ZNF423: variants seen among roughly 807,000 people sequenced by gnomAD.
ZNF423 encodes Ebf-associated zinc finger protein.
ZNF423 carries 12 observed loss-of-function variants against 95.8 expected under a neutral mutation model. The observed-to-expected ratio is 0.13, with a 90% CI of 0.08 to 0.20. The LOEUF (loss-of-function observed/expected upper bound fraction) is 0.20, where lower values mean the gene tolerates loss of function less well. Ranked by LOEUF, ZNF423 falls within the 10% of genes least tolerant of loss-of-function variation. The pLI, the probability that ZNF423 is intolerant of heterozygous loss-of-function variation, is 1.00. For missense variants in ZNF423, 1,316 were observed against 1,737.1 expected (o/e 0.76, Z 4.31); for synonymous variants, 749 against 711.9 (o/e 1.05, Z -0.83).
At chr16:49,748,466 T>C (rs1040020396) in intron 2 of ZNF423, among the ~76,000 whole-genome samples, 1 of 152,162 alleles carries the variant, frequency 6.6e-6, no homozygotes, top group Non-Finnish European at 1.5e-5. Context: ...AACGGCCTAA[T>C]TCAAGGAGGA....
At chr16:49,576,436 T>A (rs540629613) in intron 5 of ZNF423, among the ~76,000 whole-genome samples, 21 of 152,286 alleles carry the variant, frequency 1.4e-4, no homozygotes, top group African/African-American at 4.8e-4. Flanking sequence ...TCAAGTCTAT[T>A]GAGTGTTAGC....
intron 5 of ZNF423, among the ~76,000 whole-genome samples, chr16:49,551,796 G>A (rs1466052625): frequency 6.6e-6 from 1 of 152,194 alleles, no homozygotes; most frequent in African/African-American, 2.4e-5. Flanking sequence ...GGCCCCTCAA[G>A]TCTGTGGCTG....
At chr16:49,632,951 G>A (rs1462387384) in intron 4 of ZNF423, among the ~76,000 whole-genome samples, 3 of 152,166 alleles carry the variant, frequency 2.0e-5, no homozygotes, top group East Asian at 1.9e-4. Context: ...CAGGAGAAGC[G>A]GGCACAGTGA....
chr16:49,665,934 A>G (rs1035567641), intron 3 of ZNF423, among the ~76,000 whole-genome samples: 10 of 152,250 alleles, frequency 6.6e-5, no homozygotes, highest in Admixed American at 5.9e-4. Flanking sequence ...ACCACTGAAC[A>G]AATTAAAATT....
At chr16:49,857,361 C>T (rs986431961), upstream of ZNF423, among the ~76,000 whole-genome samples, 1 of 150,758 alleles carries the variant, frequency 6.6e-6, no homozygotes, top group African/African-American at 2.4e-5. This position sits in a 1 kb window ranked among gnomAD's most constrained non-coding sequence, Gnocchi z 6.2. Flanking sequence ...CGCACCAGCA[C>T]GCGGGGCCGG....
At position 49,638,305 on chromosome 16, in the gene ZNF423, G is replaced by T. The variant is rs770995307; in HGVS notation, c.871C>A (p.Leu291Ile). ...SQTEELEKHV[L>I]TRHPQLSEKA... is the part of the protein sequence containing the mutation. ...TCGGACAGCTGCGGGTGGCGGGTGA[G>T]CACGTGCTTCTCCAGCTCCTCCGTC... is the stretch of plus-strand genomic sequence containing the variant. Residue 291 changes from leucine (L) to isoleucine (I), a missense_variant, in exon 4 of 8, where the codon CTC (leucine) becomes ATC (isoleucine). Physicochemically the swap from Leu to Ile is conservative, Grantham distance 5. Coordinates refer to ENST00000563137, the MANE Select transcript of ZNF423 (RefSeq NM_001379286.1). The surrounding 1 kb of genome is among the most constrained non-coding windows in gnomAD (Gnocchi z 5.6). 40 of 1,613,768 alleles carry T rather than the reference G, an allele frequency of 2.5e-5. No homozygotes were observed. The highest frequency in any genetic ancestry group is 1.7e-4 in the Admixed American group (10 of 60,006).
chr16:49,807,485 G>A (rs574401445), intron 1 of ZNF423, among the ~76,000 whole-genome samples: 73 of 152,062 alleles, frequency 4.8e-4, no homozygotes, highest in Non-Finnish European at 8.7e-4. Context: ...GAAACGAACT[G>A]TAATGTCTGG....
Position 49,718,329 on chromosome 16 carries a change from C to T in ZNF423, c.301+12442G>A, listed in dbSNP as rs562241509. ...GCTGAGGCAGGAGAATTGCTTGAAC[C>T]AAGGAGGTGGAGGCTGCAGTGAGCC... On this transcript the variant is annotated intron_variant, in intron 3 of 7. Coordinates refer to ENST00000563137, the MANE Select transcript of ZNF423 (RefSeq NM_001379286.1). Among the ~76,000 whole-genome samples the T allele has an allele frequency of 3.9e-5, 6 of 152,196 alleles. No homozygotes were observed. The South Asian group carries it at 1.2e-3, about 32-fold the overall frequency.
intron 1 of ZNF423, among the ~76,000 whole-genome samples, chr16:49,833,652 G>C (rs1194206824): frequency 1.4e-5 from 2 of 146,634 alleles, no homozygotes; most frequent in Non-Finnish European, 3.0e-5. Flanking sequence ...AAGGTTCCCA[G>C]AAGACGGACA....
intron 5 of ZNF423, among the ~76,000 whole-genome samples, chr16:49,554,821 C>G (rs1335470903): frequency 6.6e-6 from 1 of 152,014 alleles, no homozygotes; most frequent in Non-Finnish European, 1.5e-5. Context: ...TGGTCTGTTT[C>G]CCTCTGAAGA....
At chr16:49,518,793 G>A (rs1316304447) in intron 7 of ZNF423, among the ~76,000 whole-genome samples, 2 of 152,174 alleles carry the variant, frequency 1.3e-5, no homozygotes, top group Admixed American at 6.6e-5. Flanking sequence ...AGTGGCTCAC[G>A]CCTGTAATCC....
chr16:49,502,357 TG>T (rs1967443675), intron 7 of ZNF423, among the ~76,000 whole-genome samples: 1 of 152,198 alleles, frequency 6.6e-6, no homozygotes, highest in South Asian at 2.1e-4. Flanking sequence ...CCATATGTCC[TG>T]GGTTCTGCTG....
rs1484124202 is a variant in ZNF423 at position 49,787,873 on chromosome 16, C to T, written c.100+1614G>A. On this transcript the variant is annotated intron_variant, in intron 2 of 7. Transcript: ENST00000563137. ...TGCTTTCCTAGTTCAGGGGTTCCTA[C>T]AGTGGGATCCTCTCTAGAGCGGGCA... 6.6e-5 allele frequency among the ~76,000 whole-genome samples: 10 copies of T among 152,286 alleles called. No individual in the cohort carries two copies. The East Asian group carries it at 1.9e-3, about 29-fold the overall frequency.
At chr16:49,818,096 C>A (rs2034884397) in intron 1 of ZNF423, among the ~76,000 whole-genome samples, 1 of 152,176 alleles carries the variant, frequency 6.6e-6, no homozygotes, top group African/African-American at 2.4e-5. Flanking sequence ...GTCTCAGTCA[C>A]AGCTCATCAG....
At chr16:49,666,150 C>A (rs927477703) in intron 3 of ZNF423, among the ~76,000 whole-genome samples, 1 of 152,226 alleles carries the variant, frequency 6.6e-6, no homozygotes, top group African/African-American at 2.4e-5. Context: ...CCCCCGCCTC[C>A]CAGCTTCGTC....
intron 1 of ZNF423, among the ~76,000 whole-genome samples, chr16:49,823,916 T>C (rs1166703613): frequency 3.3e-5 from 5 of 151,954 alleles, no homozygotes; most frequent in Non-Finnish European, 2.9e-5. Flanking sequence ...GGCAATATAG[T>C]GAGACCTCTC....
chr16:49,567,976 T>A (rs1483689652), intron 5 of ZNF423, among the ~76,000 whole-genome samples: 1 of 151,762 alleles, frequency 6.6e-6, no homozygotes, highest in African/African-American at 2.4e-5. Flanking sequence ...GACCCAAGAG[T>A]CTTTTGGGGA....
At chr16:49,857,907 T>G (rs1267935928), upstream of ZNF423, 4 of 152,202 alleles carry the variant, frequency 2.6e-5, no homozygotes, top group Non-Finnish European at 5.9e-5. This position sits in a 1 kb window ranked among gnomAD's most constrained non-coding sequence, Gnocchi z 6.2. Context: ...GGAAGGGTTC[T>G]GACTTGGGAA....
At chr16:49,612,352 ATAATC>A (rs1971752312) in intron 5 of ZNF423, among the ~76,000 whole-genome samples, 1 of 151,788 alleles carries the variant, frequency 6.6e-6, no homozygotes, top group Non-Finnish European at 1.5e-5. Flanking sequence ...ACTGGTCAAT[ATAATC>A]CACCATATTA....
Sources: allele counts gnomAD v4.1 joint callset (sites outside exome capture counted in the v4.1 genomes callset), GRCh38; gene constraint gnomAD v4.1.1; non-coding constraint Gnocchi (gnomAD v3.1); transcripts MANE v1.5; gene names NCBI Gene and HGNC (gene_info 2026-07-23, HGNC 2026-07-21).